Variants in SNX33 observed in about 807,000 individuals in gnomAD.
SNX33 encodes sorting nexin-33.
A neutral mutation model predicts 38.8 loss-of-function variants in SNX33; 19 were observed. That is an observed-to-expected ratio of 0.49 (90% CI 0.34 to 0.72). SNX33 has a LOEUF of 0.72. Ranked by LOEUF, SNX33 falls within the 30% of genes least tolerant of loss-of-function variation. The probability of loss-of-function intolerance (pLI) is 0.01; values close to 1 mark genes in which losing one functional copy is unlikely to be tolerated. For synonymous variants in SNX33, 246 were observed against 289.7 expected, an observed-to-expected ratio of 0.85 and a Z score of 1.53; for missense variants, 641 against 776.4, an observed-to-expected ratio of 0.83 and a Z score of 2.07.
At position 75,649,224 on chromosome 15, in the gene SNX33, G is replaced by T. The variant is rs746807268; in HGVS notation, c.122G>T (p.Gly41Val). ...ACCTCACTGGATGGCTGGCTGCAGG[G>T]CCAGAACAGCCGTGGGGAGACAGGG... is the stretch of plus-strand genomic sequence containing the variant. ...SETSLDGWLQ[G>V]QNSRGETGLF... is the part of the protein sequence containing the mutation. The change falls in exon 1 of 2, where the codon GGC (glycine) becomes GTC (valine). Residue 41 changes from glycine to valine, a missense_variant. Around this residue, in one of 2 missense-constraint regions of SNX33, gnomAD observed 243 missense variants for 233.9 expected, o/e 1.04. Coordinates refer to ENST00000308527, the MANE Select transcript of SNX33 (RefSeq NM_153271.2). This position sits in a 1 kb window ranked among gnomAD's most constrained non-coding sequence, Gnocchi z 6.6. The T allele has an allele frequency of 6.2e-7, 1 of 1,614,078 alleles. No homozygotes were observed. The highest frequency in any genetic ancestry group is 8.5e-7 in the Non-Finnish European group (1 of 1,179,982).
Position 75,657,395 on chromosome 15 carries a change from C to T in SNX33, c.*180C>T, listed in dbSNP as rs1893667629. On this transcript the variant is annotated 3_prime_UTR_variant, in exon 2 of 2. Transcript: ENST00000308527. The surrounding 1 kb of genome is among the most constrained non-coding windows in gnomAD (Gnocchi z 5.5). ...GAGTCATGGGTGCCCCTGGGAAATT[C>T]CCCACTCCTTAGAAGTGGGGCACAG... is the stretch of plus-strand genomic sequence containing the variant. 5 of 1,025,150 alleles carry T rather than the reference C, an allele frequency of 4.9e-6. No homozygotes were observed. The South Asian group carries it at 7.9e-5, about 16-fold the overall frequency. 63.5% of individuals were successfully genotyped at this position (1,025,150 alleles called of 1,614,324 possible). A position where few individuals can be genotyped will look rare whatever the true frequency, so the allele number is the denominator to read the frequency against.
chr15:75,652,112 G>A lies in SNX33; in HGVS notation c.1471+1539G>A, dbSNP rs970284575. ...TGGCTCTGCCCCTAGATTGCTGTGC[G>A]TCCCCGGGGAGTGCCTTTGCCCCTC... On this transcript the variant is annotated intron_variant, in intron 1 of 1. Transcript: ENST00000308527. 1.1e-3 allele frequency among the ~76,000 whole-genome samples: 159 copies of A among 151,374 alleles called. 2 individuals are homozygous for A. The highest frequency in any genetic ancestry group is 0.01 in the Admixed American group (154 of 15,188).
chr15:75,649,322 C>A lies in SNX33; in HGVS notation c.220C>A (p.Pro74Thr). ...STNHADYSSS[P>T]AGSPGAQVSL... ...CAACCATGCTGACTACTCCAGCAGCCCTGCAGGCTCTCCCGGAGCCCAGGT... is the reference window on the plus strand; with the variant it reads ...CAACCATGCTGACTACTCCAGCAGCACTGCAGGCTCTCCCGGAGCCCAGGT... Residue 74 changes from proline (P) to threonine (T), a missense_variant, in exon 1 of 2, where the codon CCT (proline) becomes ACT (threonine). Physicochemically the swap from Pro to Thr is conservative, Grantham distance 38. Transcript: ENST00000308527. This position sits in a 1 kb window ranked among gnomAD's most constrained non-coding sequence, Gnocchi z 6.6. 6.3e-7 allele frequency: 1 copy of A among 1,592,520 alleles called. No homozygotes were observed. Among genetic ancestry groups the A allele is most frequent in the Non-Finnish European group, 8.6e-7 (1 of 1,166,540 alleles).
rs1392496656 is a variant in SNX33 at position 75,661,580 on chromosome 15, C to CCAGTG, written c.*4375_*4379dup. On this transcript the variant is annotated 3_prime_UTR_variant, in exon 2 of 2. Coordinates refer to ENST00000308527, the MANE Select transcript of SNX33 (RefSeq NM_153271.2). This position sits in a 1 kb window ranked among gnomAD's most constrained non-coding sequence, Gnocchi z 4.5. ...TTGGTTTTGTTTTGTTGGTCAAACC[C>CCAGTG]CAGTGCAGTGCAGTCTGTTTAAGAA... 6.6e-6 allele frequency: 1 copy of CCAGTG among 152,134 alleles called. No homozygotes were observed. The highest frequency in any genetic ancestry group is 1.5e-5 in the Non-Finnish European group (1 of 68,058). The allele number at this position is 152,134 out of a possible 1,614,324, so 9.4% of individuals were successfully genotyped here.
chr15:75,657,177 C>A lies in SNX33; in HGVS notation c.1687C>A (p.Gln563Lys). 6.2e-7 allele frequency: 1 copy of A among 1,614,142 alleles called. No homozygotes were observed. The highest frequency in any genetic ancestry group is 8.5e-7 in the Non-Finnish European group (1 of 1,179,998). ...QILFYQRVGQ[Q>K]LEKTLRMYDN... ...CCTCTTCTACCAGCGGGTGGGCCAG[C>A]AGCTGGAGAAGACCCTGCGCATGTA... The change falls in exon 2 of 2, where the codon CAG (glutamine) becomes AAG (lysine). Residue 563 changes from glutamine to lysine, a missense_variant. Transcript: ENST00000308527. The surrounding 1 kb of genome is among the most constrained non-coding windows in gnomAD (Gnocchi z 5.5).
chr15:75,650,605 T>C lies in SNX33; in HGVS notation c.1471+32T>C, dbSNP rs754001346. 8 of 1,551,972 alleles carry C rather than the reference T, an allele frequency of 5.2e-6. No homozygotes were observed. Among genetic ancestry groups the C allele is most frequent in the Non-Finnish European group, 7.0e-6 (8 of 1,148,356 alleles). The stretch of plus-strand genomic sequence containing the variant: ...CCCAGTGCAGGCAGGAAACTCGTCC[T>C]GAGTCTGGCTCTCTGCTGGGCCCTG... On this transcript the variant is annotated intron_variant, in intron 1 of 1. Coordinates refer to ENST00000308527, the MANE Select transcript of SNX33 (RefSeq NM_153271.2). This position sits in a 1 kb window ranked among gnomAD's most constrained non-coding sequence, Gnocchi z 6.1.
chr15:75,649,468 C>A lies in SNX33; in HGVS notation c.366C>A (p.Asp122Glu). ...DDDDDWDDWD[D>E]GCTVVEEPRA... ...ATGATGACTGGGATGACTGGGACGA[C>A]GGATGCACAGTGGTGGAGGAGCCAC... Residue 122 changes from aspartate to glutamate, a missense_variant, in exon 1 of 2, where the codon GAC (aspartate) becomes GAA (glutamate). Physicochemically the swap from Asp to Glu is conservative, Grantham distance 45. Coordinates refer to ENST00000308527, the MANE Select transcript of SNX33 (RefSeq NM_153271.2). The surrounding 1 kb of genome is among the most constrained non-coding windows in gnomAD (Gnocchi z 6.6). 6.5e-7 allele frequency: 1 copy of A among 1,538,490 alleles called. No individual in the cohort carries two copies. The highest frequency in any genetic ancestry group is 8.8e-7 in the Non-Finnish European group (1 of 1,140,660).
In SNX33 at chr15:75,657,092, C is replaced by T; in HGVS notation, c.1602C>T (p.Phe534=). Residue 534 remains phenylalanine (F), a synonymous_variant, in exon 2 of 2, where the codon TTC becomes TTT. Coordinates refer to ENST00000308527, the MANE Select transcript of SNX33 (RefSeq NM_153271.2). The surrounding 1 kb of genome is among the most constrained non-coding windows in gnomAD (Gnocchi z 5.5). ...GFALQAEMNH[F]HQRRELDFKH... is the part of the protein sequence containing the mutation. ...CCCTGCAGGCCGAGATGAACCACTT[C>T]CACCAGCGCCGTGAGCTCGACTTCA... is the stretch of plus-strand genomic sequence containing the variant. 6.2e-7 allele frequency: 1 copy of T among 1,614,188 alleles called. No homozygotes were observed. Among genetic ancestry groups the T allele is most frequent in the Non-Finnish European group, 8.5e-7 (1 of 1,180,026 alleles).
Position 75,648,978 on chromosome 15 carries a change from G to C in SNX33, c.-125G>C. The C allele has an allele frequency of 8.0e-7, 1 of 1,242,934 alleles. No homozygotes were observed. The highest frequency in any genetic ancestry group is 1.1e-6 in the Non-Finnish European group (1 of 910,774). The allele number at this position is 1,242,934 out of a possible 1,614,324, so 77.0% of individuals were successfully genotyped here. On this transcript the variant is annotated 5_prime_UTR_variant, in exon 1 of 2. Transcript: ENST00000308527. This position sits in a 1 kb window ranked among gnomAD's most constrained non-coding sequence, Gnocchi z 4.4. ...TGTGGGTGCTGAGACCCCACCTTAG[G>C]ACCTGAGAGATTGAACTGTGTAAGC...
At chr15:75,655,320 C>G (rs1016690982) in intron 1 of SNX33, among the ~76,000 whole-genome samples, 1 of 152,228 alleles carries the variant, frequency 6.6e-6, no homozygotes, top group Non-Finnish European at 1.5e-5. Flanking sequence ...GCCTTTCTAG[C>G]TCTGAAGTCT....
rs776119023 is a variant in SNX33 at position 75,650,338 on chromosome 15, G to A, written c.1236G>A (p.Lys412=). ...GTAAACATGTGGGGGGCTTCCGCAA[G>A]GAATTCCAGAAGCTGGGCAGTGCCT... is the stretch of plus-strand genomic sequence containing the variant. ...LVRKHVGGFR[K]EFQKLGSAFQ... Residue 412 remains lysine (K), a synonymous_variant, in exon 1 of 2, where the codon AAG becomes AAA. Coordinates refer to ENST00000308527, the MANE Select transcript of SNX33 (RefSeq NM_153271.2). The surrounding 1 kb of genome is among the most constrained non-coding windows in gnomAD (Gnocchi z 6.1). 3.1e-6 allele frequency: 5 copies of A among 1,601,890 alleles called. No homozygotes were observed. The highest frequency in any genetic ancestry group is 4.3e-6 in the Non-Finnish European group (5 of 1,172,832).
At chr15:75,652,004 C>CT (rs143930959) in intron 1 of SNX33, among the ~76,000 whole-genome samples, 1 of 140,154 alleles carries the variant, frequency 7.1e-6, no homozygotes, top group African/African-American at 2.6e-5. Flanking sequence ...TCCTTTCTTT[C>CT]TGTTTTTTTT....
intron 1 of SNX33, among the ~76,000 whole-genome samples, chr15:75,654,009 C>A (rs1893619147): frequency 6.6e-6 from 1 of 151,292 alleles, no homozygotes; most frequent in Non-Finnish European, 1.5e-5. Flanking sequence ...AGAAGAATTG[C>A]TTGAACCCAG....
In SNX33 at chr15:75,649,529, C is replaced by G. The variant is rs199711200; in HGVS notation, c.427C>G (p.Leu143Val). Residue 143 changes from leucine to valine, a missense_variant, in exon 1 of 2, where the codon CTC becomes GTC. Around this residue, in one of 2 missense-constraint regions of SNX33, gnomAD observed 243 missense variants for 233.9 expected, o/e 1.04. Coordinates refer to ENST00000308527, the MANE Select transcript of SNX33 (RefSeq NM_153271.2). This position sits in a 1 kb window ranked among gnomAD's most constrained non-coding sequence, Gnocchi z 6.6. ...GGLGTNGHPP[L>V]NLSYPGAYPS... ...GCTGGGCACCAACGGGCACCCTCCC[C>G]TCAACCTCTCCTACCCTGGTGCCTA... is the stretch of plus-strand genomic sequence containing the variant. 1.3e-6 allele frequency: 2 copies of G among 1,598,502 alleles called. No individual in the cohort carries two copies. The highest frequency in any genetic ancestry group is 3.4e-5 in the Admixed American group (2 of 58,488).
intron 1 of SNX33, among the ~76,000 whole-genome samples, chr15:75,656,051 A>AC (rs996586661): frequency 6.6e-6 from 1 of 151,372 alleles, no homozygotes; most frequent in African/African-American, 2.4e-5. Flanking sequence ...GTTCATCTCC[A>AC]CCCCCCATCT....
At position 75,649,656 on chromosome 15, in the gene SNX33, G is replaced by A. The variant is rs1164827288; in HGVS notation, c.554G>A (p.Arg185His). 5.0e-6 allele frequency: 8 copies of A among 1,600,548 alleles called. No individual in the cohort carries two copies. Among genetic ancestry groups the A allele is most frequent in the East Asian group, 2.2e-5 (1 of 44,692 alleles). Reference sequence around the variant, plus strand: ...AGTGTGGTGGGCCGTAACCTCAACCGTTTCTCATGCTTTGTGCGTTCTGGA... The same window carrying A: ...AGTGTGGTGGGCCGTAACCTCAACCATTTCTCATGCTTTGTGCGTTCTGGA... ...RGSVVGRNLN[R>H]FSCFVRSGVE... Residue 185 changes from arginine to histidine, a missense_variant, in exon 1 of 2, where the codon CGT becomes CAT. By Grantham distance (29) the Arg-to-His change is conservative (BLOSUM62 0). Transcript: ENST00000308527. This position sits in a 1 kb window ranked among gnomAD's most constrained non-coding sequence, Gnocchi z 6.6.
Position 75,649,336 on chromosome 15 carries a change from C to T in SNX33, c.234C>T (p.Pro78=), listed in dbSNP as rs1189313980. The T allele has an allele frequency of 8.2e-6, 13 of 1,582,946 alleles. No homozygotes were observed. The highest frequency in any genetic ancestry group is 2.3e-5 in the South Asian group (2 of 86,480). The stretch of plus-strand genomic sequence containing the variant: ...ACTCCAGCAGCCCTGCAGGCTCTCC[C>T]GGAGCCCAGGTGAGCTTGTACAACA... ...ADYSSSPAGS[P]GAQVSLYNSP... Residue 78 remains proline, a synonymous_variant, in exon 1 of 2, where the codon CCC becomes CCT. Coordinates refer to ENST00000308527, the MANE Select transcript of SNX33 (RefSeq NM_153271.2). The surrounding 1 kb of genome is among the most constrained non-coding windows in gnomAD (Gnocchi z 6.6).
rs567011460 is a variant in SNX33, at chr15:75,660,134, G to T, written c.*2919G>T. On this transcript the variant is annotated 3_prime_UTR_variant, in exon 2 of 2. Transcript: ENST00000308527. ...TTCCTCCCTTACTTTGCTCTGAGGG[G>T]GTGGAAAACAAGGCTTCTCTTTCTG... 2.6e-5 allele frequency: 4 copies of T among 152,312 alleles called. No individual in the cohort carries two copies. The highest frequency in any genetic ancestry group is 2.6e-4 in the Admixed American group (4 of 15,280). 9.4% of individuals were successfully genotyped at this position (152,312 alleles called of 1,614,324 possible).
Position 75,649,687 on chromosome 15 carries a change from G to C in SNX33, c.585G>C (p.Glu195Asp), listed in dbSNP as rs1255543350. 1 of 1,572,500 alleles carries C rather than the reference G, an allele frequency of 6.4e-7. No individual in the cohort carries two copies. Among genetic ancestry groups the C allele is most frequent in the Non-Finnish European group, 8.7e-7 (1 of 1,155,194 alleles). ...RFSCFVRSGV[E>D]AFILGDVPMM... ...CATGCTTTGTGCGTTCTGGAGTGGAGGCCTTCATCCTGGGTGATGTGCCCA... is the reference window on the plus strand; with the variant it reads ...CATGCTTTGTGCGTTCTGGAGTGGACGCCTTCATCCTGGGTGATGTGCCCA... The change falls in exon 1 of 2, where the codon GAG (glutamate) becomes GAC (aspartate). Residue 195 changes from glutamate to aspartate, a missense_variant. This residue lies in a region of SNX33 where 398 missense variants were observed against 542.5 expected (regional missense o/e 0.73). Transcript: ENST00000308527. This position sits in a 1 kb window ranked among gnomAD's most constrained non-coding sequence, Gnocchi z 6.6.
Sources: allele counts gnomAD v4.1 joint callset (sites outside exome capture counted in the v4.1 genomes callset), GRCh38; gene constraint gnomAD v4.1.1; regional missense constraint gnomAD v4.1.1; non-coding constraint Gnocchi (gnomAD v3.1); transcripts MANE v1.5; gene names NCBI Gene and HGNC (gene_info 2026-07-23, HGNC 2026-07-21).